ANKRD27: variants seen among roughly 807,000 people sequenced by gnomAD.
The protein encoded by ANKRD27 is ankyrin repeat domain 27.
Under a neutral mutation model 129.7 loss-of-function variants are expected in ANKRD27, and 112 were observed. The ratio of observed to expected loss-of-function variants is 0.86; its 90% CI spans 0.74 to 1.01. The LOEUF is 1.01. Ranked by LOEUF, ANKRD27 falls within the 50% of genes least tolerant of loss-of-function variation. The pLI, the probability that ANKRD27 is intolerant of heterozygous loss-of-function variation, is 0.00. For synonymous variants in ANKRD27, 516 were observed against 511.2 expected (o/e 1.01, Z -0.13); for missense variants, 1,258 against 1,300.5 (o/e 0.97, Z 0.50).
intron 2 of ANKRD27, among the ~76,000 whole-genome samples, chr19:32,653,325 CCCCATTAAATCAG>C (rs1568416529): frequency 6.6e-6 from 1 of 152,158 alleles, no homozygotes; most frequent in Non-Finnish European, 1.5e-5. Context: ...AGCCTACTTA[CCCCATTAAATCAG>C]ACAACTCAAT....
intron 1 of ANKRD27, among the ~76,000 whole-genome samples, chr19:32,664,072 AAAG>A (rs751743797): frequency 0.49 from 50,797 of 104,310 alleles, 13,529 homozygotes; most frequent in Non-Finnish European, 0.59. Context: ...AAAAAAAAAA[AAAG>A]AAAGAAATAG....
intron 22 of ANKRD27, among the ~76,000 whole-genome samples, chr19:32,608,717 C>T (rs933707063): frequency 1.1e-4 from 17 of 152,044 alleles, no homozygotes; most frequent in African/African-American, 1.9e-4. Flanking sequence ...TTTGAGAGTC[C>T]GAGGTGGGCA....
Position 32,642,085 on chromosome 19 carries a change from C to T in ANKRD27, c.843G>A (p.Gln281=). 1 of 1,611,412 alleles carries T rather than the reference C, an allele frequency of 6.2e-7. No individual in the cohort carries two copies. The highest frequency in any genetic ancestry group is 1.1e-5 in the South Asian group (1 of 90,882). The change falls in exon 10 of 29, where the codon CAG becomes CAA. Residue 281 remains glutamine, a synonymous_variant. Transcript: ENST00000306065. ...CTTTTCGCAAGCAGACAAGCTTCTG[C>T]TGTGGGGAGGTGCATTTGTTCAGCT... ...LAQLNKCTSP[Q]QKLVCLRKVV...
intron 17 of ANKRD27, among the ~76,000 whole-genome samples, chr19:32,624,982 T>G (rs1218432686): frequency 6.6e-6 from 1 of 151,634 alleles, no homozygotes; most frequent in Non-Finnish European, 1.5e-5. Flanking sequence ...AAAGGCCAGG[T>G]GCGGTGGCTC....
rs374120747 is a variant in ANKRD27 at position 32,646,502 on chromosome 19, G to A, written c.327C>T (p.Ser109=). ...TFYNEKEESF[S]ILCIAHPLEK... is the part of the protein sequence containing the mutation. ...CCAAAGGATGGGCTATACACAGGAT[G>A]CTGAAACTCTCTTCTTTTTCATTGT... The change falls in exon 4 of 29, where the codon AGC becomes AGT. Residue 109 remains serine (S), a synonymous_variant. Coordinates refer to ENST00000306065, the MANE Select transcript of ANKRD27 (RefSeq NM_032139.3). 4.3e-6 allele frequency: 7 copies of A among 1,614,040 alleles called. No homozygotes were observed. The highest frequency in any genetic ancestry group is 1.1e-5 in the South Asian group (1 of 91,088).
intron 22 of ANKRD27, chr19:32,608,596 C>A (rs1310261553): frequency 1.0e-5 from 2 of 197,826 alleles, no homozygotes; most frequent in South Asian, 1.5e-4. Context: ...GGAAAACACA[C>A]ATGTGCACAT....
intron 1 of ANKRD27, among the ~76,000 whole-genome samples, chr19:32,671,930 G>A (rs950039789): frequency 3.3e-5 from 5 of 152,188 alleles, no homozygotes; most frequent in African/African-American, 9.7e-5. Flanking sequence ...ATGAACAGGA[G>A]AGCCATGTGA....
chr19:32,665,242 T>C (rs1443825994), intron 1 of ANKRD27, among the ~76,000 whole-genome samples: 3 of 151,404 alleles, frequency 2.0e-5, no homozygotes, highest in Non-Finnish European at 4.4e-5. Context: ...GTCAATTACA[T>C]GAAAAATCCT....
intron 4 of ANKRD27, among the ~76,000 whole-genome samples, chr19:32,645,817 G>A (rs779092755): frequency 2.0e-5 from 3 of 151,818 alleles, no homozygotes; most frequent in African/African-American, 4.8e-5. Context: ...TGTATTTTTA[G>A]TAGAGATGGG....
At chr19:32,605,337 C>T (rs545987648) in intron 24 of ANKRD27, among the ~76,000 whole-genome samples, 14 of 152,248 alleles carry the variant, frequency 9.2e-5, no homozygotes, top group African/African-American at 3.4e-4. Flanking sequence ...CATTGCATTC[C>T]AGCCTGGGCC....
At chr19:32,660,063 C>T (rs562553772) in intron 1 of ANKRD27, among the ~76,000 whole-genome samples, 12 of 152,256 alleles carry the variant, frequency 7.9e-5, no homozygotes, top group African/African-American at 2.9e-4. Context: ...AGTTGGAGAC[C>T]AGCCTGGACA....
At chr19:32,609,473 A>G (rs1016028267) in intron 22 of ANKRD27, among the ~76,000 whole-genome samples, 8 of 152,198 alleles carry the variant, frequency 5.3e-5, no homozygotes, top group African/African-American at 1.9e-4. Context: ...TGTCCACCCA[A>G]TCAACTACTA....
intron 10 of ANKRD27, among the ~76,000 whole-genome samples, chr19:32,641,090 A>G (rs1050758026): frequency 1.6e-4 from 24 of 151,622 alleles, no homozygotes; most frequent in Admixed American, 1.4e-3. Context: ...TTTAGTAGAG[A>G]CAGGGTTTCA....
At chr19:32,641,981 T>C in intron 10 of ANKRD27, 43 bp downstream of exon 10, 11 of 1,511,102 alleles carry the variant, frequency 7.3e-6, no homozygotes, top group Non-Finnish European at 9.8e-6. Context: ...TTCATCTGGA[T>C]GTAGCATCTA....
chr19:32,643,657 G>A, intron 5 of ANKRD27, 26 bp from the exon 6 acceptor site: 2 of 1,613,242 alleles, frequency 1.2e-6, no homozygotes, highest in Non-Finnish European at 1.7e-6. Flanking sequence ...CAGAGGGACA[G>A]GCCACCCTTA....
intron 22 of ANKRD27, among the ~76,000 whole-genome samples, chr19:32,608,978 C>T (rs1971793365): frequency 1.3e-5 from 2 of 152,174 alleles, no homozygotes. Flanking sequence ...GCGAATTCTC[C>T]TGCCTCAGCC....
At chr19:32,657,968 C>T (rs529394964) in intron 2 of ANKRD27, among the ~76,000 whole-genome samples, 1 of 152,202 alleles carries the variant, frequency 6.6e-6, no homozygotes, top group South Asian at 2.1e-4. Context: ...GAGCAAGACT[C>T]TGTCTCAAAA....
chr19:32,625,837 T>C, intron 17 of ANKRD27, 37 bp downstream of exon 17: 2 of 1,473,358 alleles, frequency 1.4e-6, no homozygotes, highest in Non-Finnish European at 1.8e-6. Context: ...TGGGAAAGGG[T>C]GAACGCAGCC....
rs760693829 is a variant in ANKRD27 at position 32,628,772 on chromosome 19, C to A, written c.1287G>T (p.Lys429Asn). Residue 429 changes from lysine (K) to asparagine (N), a missense_variant, in exon 14 of 29, where the codon AAG (lysine) becomes AAT (asparagine). Transcript: ENST00000306065. ...QEDHDKDTVQ[K>N]MCHPLCFCDD... ...CGCAGAAGCAGAGAGGGTGACACAT[C>A]TTTTGGACGGTATCTTTATCATGGT... The A allele has an allele frequency of 8.7e-6, 14 of 1,614,064 alleles. No individual in the cohort carries two copies. In the South Asian group the frequency reaches 1.4e-4, roughly 16 times the overall value.
Sources: gnomAD v4.1 joint callset for allele counts (sites outside exome capture counted in the v4.1 genomes callset) on GRCh38, gnomAD v4.1.1 for gene constraint, MANE v1.5 for transcripts, NCBI Gene and HGNC (gene_info 2026-07-23, HGNC 2026-07-21) for gene names.